ANK2: variants seen among roughly 807,000 people sequenced by gnomAD.
ANK2 encodes the protein ankyrin 2, also known as ankyrin-2.
Under a neutral mutation model 360.5 loss-of-function variants are expected in ANK2, and 83 were observed. The observed-to-expected ratio is 0.23, with a 90% CI of 0.19 to 0.28. ANK2 has a LOEUF of 0.28. ANK2 is among the 10% of genes least tolerant of loss of function. ANK2 has a pLI of 1.00. For synonymous variants in ANK2, 1,740 were observed against 1,759.5 expected, an observed-to-expected ratio of 0.99 and a Z score of 0.28; for missense variants, 4,201 against 4,795.7, an observed-to-expected ratio of 0.88 and a Z score of 3.66.
At chr4:113,287,096 C>A (rs1035790198) in intron 18 of ANK2, among the ~76,000 whole-genome samples, 2 of 152,256 alleles carry the variant, frequency 1.3e-5, no homozygotes, top group East Asian at 1.9e-4. Flanking sequence ...TTTAGAGGAA[C>A]CTCCTGAAAA....
At chr4:112,725,124 C>CA in the ANK2 span, among the ~76,000 whole-genome samples, 10 of 150,866 alleles carry the variant, frequency 6.6e-5, no homozygotes, top group South Asian at 2.1e-4. Flanking sequence ...TACTAAAATA[C>CA]AAAAAAAATT....
chr4:112,939,429 C>T (rs141131171), intron 2 of ANK2, among the ~76,000 whole-genome samples: 1,674 of 152,254 alleles, frequency 0.011, 29 homozygotes, highest in African/African-American at 0.038. Flanking sequence ...CCTGTCTCAG[C>T]CTCCCAAGTA....
intron 1 of ANK2, among the ~76,000 whole-genome samples, chr4:113,096,303 A>G (rs1479497411): frequency 6.6e-6 from 1 of 152,226 alleles, no homozygotes; most frequent in Non-Finnish European, 1.5e-5. Context: ...ACTGGAACCA[A>G]TGAAACCCCA....
intron 1 of ANK2, among the ~76,000 whole-genome samples, chr4:112,902,230 C>T (rs549604800): frequency 1.9e-4 from 29 of 152,324 alleles, no homozygotes; most frequent in Non-Finnish European, 3.7e-4. Context: ...GAAGCAAGGA[C>T]TTGAAGCAGT....
At chr4:113,145,729 T>A (rs887920306) in intron 1 of ANK2, 1 of 1,161,308 alleles carries the variant, frequency 8.6e-7, no homozygotes, top group African/African-American at 1.6e-5. Context: ...GGAGAACTGG[T>A]GAGGGGCGTG....
intron 1 of ANK2, among the ~76,000 whole-genome samples, chr4:113,162,462 A>G (rs1004183635): frequency 6.6e-6 from 1 of 152,100 alleles, no homozygotes; most frequent in Non-Finnish European, 1.5e-5. Flanking sequence ...AACTCCTTAT[A>G]CTGAATTTAT....
intron 2 of ANK2, among the ~76,000 whole-genome samples, chr4:112,926,033 G>T (rs1004872035): frequency 2.0e-5 from 3 of 152,152 alleles, no homozygotes; most frequent in Admixed American, 6.5e-5. Flanking sequence ...GGGCTGAAGT[G>T]GGGGGAACCT....
At chr4:113,237,470 T>G in intron 6 of ANK2, 129 bp from the exon 7 acceptor site, 1 of 931,902 alleles carries the variant, frequency 1.1e-6, no homozygotes, top group Non-Finnish European at 1.8e-6. Context: ...CTTGGGGATG[T>G]CTTCTTCCAG....
chr4:113,065,426 T>A (rs1363789161), intron 1 of ANK2, among the ~76,000 whole-genome samples: 1 of 152,248 alleles, frequency 6.6e-6, no homozygotes, highest in Non-Finnish European at 1.5e-5. Flanking sequence ...TTCATACTAA[T>A]TTCATTTTTT....
At chr4:112,909,818 C>T (rs895652486) in intron 2 of ANK2, among the ~76,000 whole-genome samples, 10 of 152,174 alleles carry the variant, frequency 6.6e-5, no homozygotes, top group African/African-American at 2.2e-4. Flanking sequence ...GAACAAAGTT[C>T]TAATGAGCTC....
At chr4:113,219,007 A>G (rs1372116118) in intron 4 of ANK2, among the ~76,000 whole-genome samples, 1 of 152,134 alleles carries the variant, frequency 6.6e-6, no homozygotes, top group Non-Finnish European at 1.5e-5. Context: ...AATTTTCTCA[A>G]TGCCATAGGC....
chr4:112,998,708 A>T (rs138818140), intron 2 of ANK2, among the ~76,000 whole-genome samples: 1 of 152,350 alleles, frequency 6.6e-6, no homozygotes, highest in African/African-American at 2.4e-5. Context: ...AAGCAGATTC[A>T]TCTGCTGTGG....
At chr4:113,039,046 A>C (rs939101469) in intron 2 of ANK2, among the ~76,000 whole-genome samples, 3 of 152,090 alleles carry the variant, frequency 2.0e-5, no homozygotes, top group Non-Finnish European at 2.9e-5. Flanking sequence ...GGTAATAGGT[A>C]ATTAGAATGC....
At chr4:112,808,710 G>C in the ANK2 span, among the ~76,000 whole-genome samples, 6 of 152,060 alleles carry the variant, frequency 3.9e-5, no homozygotes, top group Non-Finnish European at 5.9e-5. Flanking sequence ...AGAGAAGGTT[G>C]GTTGAGCACT....
chr4:113,091,475 A>G (rs1295589961), intron 1 of ANK2, among the ~76,000 whole-genome samples: 1 of 152,238 alleles, frequency 6.6e-6, no homozygotes, highest in Non-Finnish European at 1.5e-5. Context: ...TTTCCAGAGT[A>G]GTTATCATTG....
chr4:112,890,846 C>T (rs1292550461), intron 1 of ANK2, among the ~76,000 whole-genome samples: 3 of 152,192 alleles, frequency 2.0e-5, no homozygotes, highest in Non-Finnish European at 2.9e-5. Context: ...GGATTACAGG[C>T]GTGAGCCACT....
At chr4:113,292,824 C>G (rs536671014) in intron 21 of ANK2, among the ~76,000 whole-genome samples, 12 of 152,130 alleles carry the variant, frequency 7.9e-5, no homozygotes, top group Non-Finnish European at 1.3e-4. Context: ...ATTGACCCCC[C>G]CTCGCCTTCT....
chr4:113,342,230 G>A (rs978063423), intron 33 of ANK2, among the ~76,000 whole-genome samples: 3 of 152,100 alleles, frequency 2.0e-5, no homozygotes, highest in African/African-American at 7.2e-5. Flanking sequence ...AGCTTTCCTT[G>A]TTGTCCTTAT....
intron 1 of ANK2, among the ~76,000 whole-genome samples, chr4:112,840,867 G>A (rs1209338726): frequency 6.6e-6 from 1 of 152,202 alleles, no homozygotes. Flanking sequence ...CAGAATGTAA[G>A]CTCATTCAGC....
Sources: gnomAD v4.1 joint callset for allele counts (sites outside exome capture counted in the v4.1 genomes callset) on GRCh38, gnomAD v4.1.1 for gene constraint, MANE v1.5 for transcripts, NCBI Gene and HGNC (gene_info 2026-07-23, HGNC 2026-07-21) for gene names.